Variants in METTL15 observed in about 807,000 individuals in gnomAD.
METTL15 encodes 12S rRNA N(4)-cytidine methyltransferase METTL15.
METTL15 carries 34 observed loss-of-function variants against 38.3 expected under a neutral mutation model. The observed-to-expected ratio is 0.89, with a 90% CI of 0.68 to 1.18. METTL15 has a LOEUF of 1.18. Ranked by LOEUF, METTL15 falls within the 50% of genes most tolerant of loss-of-function variation. METTL15 has a pLI of 0.00. For synonymous variants in METTL15, 162 were observed against 170.9 expected, an observed-to-expected ratio of 0.95 and a Z score of 0.41; for missense variants, 438 against 498.4, an observed-to-expected ratio of 0.88 and a Z score of 1.15.
At chr11:28,409,072 C>T (rs1240149562) in intron 5 of METTL15, among the ~76,000 whole-genome samples, 4 of 152,038 alleles carry the variant, frequency 2.6e-5, no homozygotes, top group African/African-American at 9.7e-5. Flanking sequence ...GGCCACAAAA[C>T]AATTTTTATT....
At chr11:28,388,309 C>T (rs979779574) in intron 5 of METTL15, among the ~76,000 whole-genome samples, 1 of 151,878 alleles carries the variant, frequency 6.6e-6, no homozygotes, top group African/African-American at 2.4e-5. Context: ...ATGTAGAAAA[C>T]AATAAAGATT....
downstream of METTL15, among the ~76,000 whole-genome samples, chr11:28,531,376 A>G (rs1434368477): frequency 6.6e-6 from 1 of 152,022 alleles, no homozygotes; most frequent in Non-Finnish European, 1.5e-5. Flanking sequence ...TCATCCTCAT[A>G]TCCTTGAACT....
chr11:28,519,359 T>C (rs1241944785), intron 6 of METTL15: 1 of 152,212 alleles, frequency 6.6e-6, no homozygotes, highest in African/African-American at 2.4e-5. Context: ...ATCGAGACCA[T>C]CCTGGCTAAC....
At chr11:28,406,889 C>G (rs1054688910) in intron 5 of METTL15, among the ~76,000 whole-genome samples, 1 of 152,086 alleles carries the variant, frequency 6.6e-6, no homozygotes, top group Non-Finnish European at 1.5e-5. Context: ...GAGTTTTTAG[C>G]ATGAAGGAAT....
chr11:28,265,664 A>T (rs1266465848), intron 4 of METTL15, among the ~76,000 whole-genome samples: 2 of 152,066 alleles, frequency 1.3e-5, no homozygotes, highest in Non-Finnish European at 2.9e-5. Flanking sequence ...TTTCCTATCT[A>T]GATTCACACT....
intron 6 of METTL15, among the ~76,000 whole-genome samples, chr11:28,311,933 A>T (rs1442556874): frequency 1.3e-5 from 2 of 152,232 alleles, no homozygotes; most frequent in Non-Finnish European, 2.9e-5. Context: ...CTAAGATGTC[A>T]GCAGGTAGAG....
chr11:28,172,101 A>G (rs1011993707), intron 3 of METTL15, among the ~76,000 whole-genome samples: 2 of 152,094 alleles, frequency 1.3e-5, no homozygotes, highest in African/African-American at 4.8e-5. Context: ...TTACCTGGCC[A>G]TGTTTTCTTA....
chr11:28,407,590 C>G (rs922243203), intron 5 of METTL15, among the ~76,000 whole-genome samples: 8 of 152,050 alleles, frequency 5.3e-5, no homozygotes, highest in African/African-American at 1.9e-4. Flanking sequence ...TAGAGAAATG[C>G]AAATCAAAAC....
chr11:28,481,395 A>G lies in METTL15; in HGVS notation c.*425-45083A>G, dbSNP rs118053368. Among the ~76,000 whole-genome samples the G allele has an allele frequency of 1.3e-3, 201 of 152,308 alleles. 3 individuals carry two copies. In the East Asian group the frequency reaches 0.034, roughly 26 times the overall value. On this transcript the variant is annotated intron_variant and NMD_transcript_variant, in intron 6 of 7. Coordinates refer to the METTL15 transcript ENST00000532947. ...TACACCTTCTTGTCCTTCTGCAGGG[A>G]CTTTATGTGTAGGCTTCCCATGAAC...
intron 3 of METTL15, among the ~76,000 whole-genome samples, chr11:28,128,350 AAAT>A (rs1275299400): frequency 1.3e-5 from 2 of 152,150 alleles, no homozygotes; most frequent in Admixed American, 6.5e-5. Flanking sequence ...ATAATCATAT[AAAT>A]AATAATTTAG....
chr11:28,296,354 T>TCATCAG (rs1312124335), intron 5 of METTL15, among the ~76,000 whole-genome samples: 2 of 152,122 alleles, frequency 1.3e-5, no homozygotes, highest in African/African-American at 2.4e-5. Flanking sequence ...TTTTAAAATA[T>TCATCAG]CATCAGCAAA....
At chr11:28,361,497 A>T (rs1241257435) in intron 4 of METTL15, among the ~76,000 whole-genome samples, 1 of 152,216 alleles carries the variant, frequency 6.6e-6, no homozygotes, top group African/African-American at 2.4e-5. Context: ...ATTTAAAACA[A>T]AGTGAACTTT....
intron 5 of METTL15, among the ~76,000 whole-genome samples, chr11:28,372,358 A>G (rs1850253014): frequency 6.6e-6 from 1 of 150,748 alleles, no homozygotes; most frequent in Non-Finnish European, 1.5e-5. Flanking sequence ...TTTTAAAACT[A>G]TTGTTGAATT....
chr11:28,117,320 G>A (rs1852019531), intron 3 of METTL15, among the ~76,000 whole-genome samples: 1 of 144,610 alleles, frequency 6.9e-6, no homozygotes, highest in Non-Finnish European at 1.5e-5. Flanking sequence ...GGGGCAGTTA[G>A]TAAAAATTGG....
rs1025172533 is a variant in METTL15 at position 28,374,497 on chromosome 11, A to G, written c.*358+12461A>G. 4.3e-5 allele frequency among the ~76,000 whole-genome samples: 6 copies of G among 139,290 alleles called. No homozygotes were observed. The East Asian group carries it at 8.1e-4, about 19-fold the overall frequency. The allele number at this position is 139,290 out of a possible 152,430, so 91.4% of individuals were successfully genotyped here. A position where few individuals can be genotyped will look rare whatever the true frequency, so the allele number is the denominator to read the frequency against. On this transcript the variant is annotated intron_variant and NMD_transcript_variant, in intron 5 of 7. Transcript: ENST00000532947. The stretch of plus-strand genomic sequence containing the variant: ...TTGTTGGTGTATAGGAATGCTTGTG[A>G]TTTTTGTACATTGATTTTGTATCCT...
At chr11:28,405,806 A>G (rs574202763) in intron 5 of METTL15, among the ~76,000 whole-genome samples, 8 of 152,202 alleles carry the variant, frequency 5.3e-5, no homozygotes, top group African/African-American at 1.7e-4. Flanking sequence ...TTGGAAATAC[A>G]TAGCCACTAT....
chr11:28,437,994 A>G (rs1457238980), intron 6 of METTL15, among the ~76,000 whole-genome samples: 1 of 135,588 alleles, frequency 7.4e-6, no homozygotes, highest in Non-Finnish European at 1.7e-5. Context: ...GGTGCTCAAT[A>G]AATATTTACT....
intron 6 of METTL15, among the ~76,000 whole-genome samples, chr11:28,461,063 A>G (rs911254180): frequency 2.6e-5 from 4 of 151,974 alleles, no homozygotes; most frequent in East Asian, 1.9e-4. Flanking sequence ...GAGGAAGATT[A>G]TTTTCCTTTT....
chr11:28,473,081 A>T (rs1851315923), intron 6 of METTL15, among the ~76,000 whole-genome samples: 1 of 152,176 alleles, frequency 6.6e-6, no homozygotes, highest in Non-Finnish European at 1.5e-5. Context: ...AGGAAAGAGC[A>T]TGTAGTTCTA....
Sources: allele counts gnomAD v4.1 joint callset (sites outside exome capture counted in the v4.1 genomes callset), GRCh38; gene constraint gnomAD v4.1.1; transcripts MANE v1.5; gene names NCBI Gene and HGNC (gene_info 2026-07-23, HGNC 2026-07-21).